SYCP2: variants seen among roughly 807,000 people sequenced by gnomAD.
SYCP2 encodes the protein synaptonemal complex protein 2, also known as synaptonemal complex lateral element protein.
A neutral mutation model predicts 211.3 loss-of-function variants in SYCP2; 55 were observed. The ratio of observed to expected loss-of-function variants is 0.26; its 90% CI spans 0.21 to 0.33. SYCP2 has a LOEUF of 0.33. SYCP2 is among the 10% of genes least tolerant of loss of function. The pLI is 1.00. For missense variants in SYCP2, 1,731 were observed against 1,752.0 expected (o/e 0.99, Z 0.21); for synonymous variants, 570 against 555.2 (o/e 1.03, Z -0.37).
rs758339674 is a variant in SYCP2 at position 59,919,553 on chromosome 20, T to C, written c.342A>G (p.Gln114=). The part of the protein sequence containing the change: ...FEKSKDIIQS[Q]GNSKDEAVLN... ...GAACAGCTTCATCTTTTGAATTTCC[T>C]TGACTCTGAATAATGTCCTTGGATT... Residue 114 remains glutamine (Q), a synonymous_variant, in exon 6 of 45, where the codon CAA becomes CAG. Transcript: ENST00000357552. 6.2e-7 allele frequency: 1 copy of C among 1,610,834 alleles called. No individual in the cohort carries two copies. Among genetic ancestry groups the C allele is most frequent in the Non-Finnish European group, 8.5e-7 (1 of 1,178,004 alleles).
intron 38 of SYCP2, 148 bp from the exon 39 acceptor site, chr20:59,867,995 GT>G (rs371420891): frequency 0.022 from 12,857 of 594,644 alleles, 186 homozygotes; most frequent in Middle Eastern, 0.034. Context: ...AGTTCCTTAT[GT>G]TTTTTTTAAT....
chr20:59,871,887 G>C (rs1185784189), intron 35 of SYCP2, among the ~76,000 whole-genome samples: 2 of 151,972 alleles, frequency 1.3e-5, no homozygotes, highest in South Asian at 4.1e-4. Context: ...GTCTGTGGTT[G>C]AATCCACAGA....
intron 24 of SYCP2, 64 bp downstream of exon 24, chr20:59,891,926 T>G (rs2059915200): frequency 7.3e-7 from 1 of 1,376,220 alleles, no homozygotes; most frequent in Non-Finnish European, 9.9e-7. Context: ...AGTTTCTTTC[T>G]TTCTTATGTT....
At chr20:59,880,558 C>A (rs572079942) in intron 30 of SYCP2, 87 bp from the exon 31 acceptor site, 135 of 657,220 alleles carry the variant, frequency 2.1e-4, no homozygotes, top group African/African-American at 1.1e-3. Context: ...ACAACAACAA[C>A]AAAAAAAAAC....
intron 44 of SYCP2, among the ~76,000 whole-genome samples, chr20:59,865,087 C>T (rs2059302713): frequency 6.6e-6 from 1 of 152,004 alleles, no homozygotes; most frequent in Non-Finnish European, 1.5e-5. Context: ...GAAGACACAG[C>T]AGGACAGACG....
intron 26 of SYCP2, among the ~76,000 whole-genome samples, chr20:59,884,867 A>G (rs2059755438): frequency 6.6e-6 from 1 of 152,126 alleles, no homozygotes; most frequent in African/African-American, 2.4e-5. Flanking sequence ...GAAAAAACCC[A>G]TGAGTAAAAT....
chr20:59,910,050 AAC>A (rs573696644), intron 14 of SYCP2, among the ~76,000 whole-genome samples: 66 of 152,310 alleles, frequency 4.3e-4, no homozygotes, highest in African/African-American at 1.5e-3. Flanking sequence ...ATGTGACTGG[AAC>A]ACAGTCATCA....
intron 16 of SYCP2, 22 bp from the exon 17 acceptor site, chr20:59,900,840 G>A: frequency 6.7e-7 from 1 of 1,491,804 alleles, no homozygotes; most frequent in Non-Finnish European, 9.3e-7. Context: ...TCAATTCACA[G>A]TGATGACATT....
intron 24 of SYCP2, among the ~76,000 whole-genome samples, chr20:59,887,595 C>T (rs928207361): frequency 2.0e-5 from 3 of 152,046 alleles, no homozygotes; most frequent in South Asian, 4.1e-4. Flanking sequence ...AATGGTTGAA[C>T]GAGTTTACAG....
rs1444596585 is a variant in SYCP2 at position 59,922,969 on chromosome 20, G to A, written c.-46-510C>T. ...TTCATATGTCCACAAGAGTGTTCAG[G>A]AAAGAAAGAACTCCCAGTTTCTGGT... is the stretch of plus-strand genomic sequence containing the variant. On this transcript the variant is annotated intron_variant, in intron 2 of 44. Transcript: ENST00000357552. Among the ~76,000 whole-genome samples, 3 of 151,882 alleles carry A rather than the reference G, an allele frequency of 2.0e-5. No homozygotes were observed. The East Asian group carries it at 5.8e-4, about 29-fold the overall frequency.
At chr20:59,882,233 TA>T (rs1263945971) in intron 26 of SYCP2, 68 bp from the exon 27 acceptor site, 4 of 1,127,242 alleles carry the variant, frequency 3.5e-6, no homozygotes, top group Non-Finnish European at 3.9e-6. Flanking sequence ...TCAACAGCAC[TA>T]ATCAGAAATG....
intron 34 of SYCP2, 51 bp from the exon 35 acceptor site, chr20:59,874,112 A>T: frequency 1.0e-6 from 1 of 975,410 alleles, no homozygotes; most frequent in South Asian, 1.9e-5. Context: ...GTTATCATTG[A>T]TGTCTGCTTT....
chr20:59,910,457 T>G (rs979603149), intron 14 of SYCP2, among the ~76,000 whole-genome samples: 1 of 136,882 alleles, frequency 7.3e-6, no homozygotes, highest in African/African-American at 2.9e-5. Context: ...CTCGGCTCAC[T>G]GCAAGCTCCG....
At chr20:59,903,244 G>C (rs540130756) in intron 15 of SYCP2, among the ~76,000 whole-genome samples, 57 of 152,134 alleles carry the variant, frequency 3.7e-4, no homozygotes, top group African/African-American at 1.3e-3. Context: ...TAATTAGTTA[G>C]TGTTACTGAG....
rs777691604 is a variant in SYCP2, at chr20:59,895,565, G to A, written c.1537C>T (p.Pro513Ser). 1.2e-5 allele frequency: 19 copies of A among 1,613,156 alleles called. No homozygotes were observed. The highest frequency in any genetic ancestry group is 6.7e-5 in the Admixed American group (4 of 59,940). ...IPPRRRRIKP[P>S]LQMTSSAEKP... ...TCTGCAGAGCTCGTCATTTGCAGTG[G>A]TGGTTTAATTCTTCTTCTTCGTGGT... is the stretch of plus-strand genomic sequence containing the variant. The change falls in exon 20 of 45, where the codon CCA (proline) becomes TCA (serine). Residue 513 changes from proline to serine, a missense_variant. Around this residue, in one of 3 missense-constraint regions of SYCP2, gnomAD observed 1,387 missense variants for 1,351.3 expected, o/e 1.03. Coordinates refer to ENST00000357552, the MANE Select transcript of SYCP2 (RefSeq NM_014258.4).
intron 2 of SYCP2, among the ~76,000 whole-genome samples, chr20:59,923,795 G>A (rs562640443): frequency 7.6e-4 from 115 of 151,884 alleles, no homozygotes; most frequent in South Asian, 2.3e-3. Context: ...AGTGTGAGGA[G>A]GGAGGCTGTA....
At chr20:59,896,912 ATT>A (rs946094753) in intron 18 of SYCP2, among the ~76,000 whole-genome samples, 8 of 152,204 alleles carry the variant, frequency 5.3e-5, no homozygotes, top group African/African-American at 1.9e-4. Flanking sequence ...ATATGAAATT[ATT>A]TTGAGTGCTT....
chr20:59,867,877 A>G, intron 38 of SYCP2, 30 bp from the exon 39 acceptor site: 1 of 1,541,316 alleles, frequency 6.5e-7, no homozygotes, highest in Non-Finnish European at 8.9e-7. Context: ...TGCTGAAGTT[A>G]AAATATGCAT....
chr20:59,890,440 C>G (rs2145724411), intron 24 of SYCP2, among the ~76,000 whole-genome samples: 1 of 152,086 alleles, frequency 6.6e-6, no homozygotes, highest in East Asian at 1.9e-4. Flanking sequence ...GGAGAAATAC[C>G]TAATGTAGAT....
Sources: allele counts gnomAD v4.1 joint callset (sites outside exome capture counted in the v4.1 genomes callset), GRCh38; gene constraint gnomAD v4.1.1; regional missense constraint gnomAD v4.1.1; transcripts MANE v1.5; gene names NCBI Gene and HGNC (gene_info 2026-07-23, HGNC 2026-07-21).